The following SAMMSON variants were observed in gnomAD, a reference collection of about 807,000 sequenced individuals.
SAMMSON encodes the protein survival associated mitochondrial melanoma specific oncogenic non-coding RNA, also known as long intergenic non-protein coding RNA 1212.
At chr3:70,028,993 G>A (rs571476454) in intron 3 of SAMMSON, among the ~76,000 whole-genome samples, 107 of 152,224 alleles carry the variant, frequency 7.0e-4, no homozygotes, top group African/African-American at 2.4e-3. Context: ...CACTTGTTCC[G>A]GGTGACTAGG....
chr3:70,081,089 T>G (rs2106641093), intron 4 of SAMMSON, among the ~76,000 whole-genome samples: 1 of 152,296 alleles, frequency 6.6e-6, no homozygotes, highest in East Asian at 1.9e-4. Flanking sequence ...TCTAATTTCT[T>G]CATAGCTTTC....
chr3:70,003,237 CTTTTAAACAGTGTATAGTGGTTTG>C (rs1359921094), intron 1 of SAMMSON, among the ~76,000 whole-genome samples: 1 of 151,846 alleles, frequency 6.6e-6, no homozygotes, highest in East Asian at 1.9e-4. Flanking sequence ...TACTTAATGC[CTTTTAAACAGTGTATAGTGGTTTG>C]TTTTGTTTTG....
intron 3 of SAMMSON, among the ~76,000 whole-genome samples, chr3:70,028,351 A>G (rs1576101780): frequency 6.6e-6 from 1 of 151,978 alleles, no homozygotes. Flanking sequence ...TGCTTCTTTG[A>G]ATATGTTGTG....
chr3:70,348,892 G>C (rs1702771801), intron 7 of SAMMSON, among the ~76,000 whole-genome samples: 2 of 152,112 alleles, frequency 1.3e-5, no homozygotes, highest in Admixed American at 6.5e-5. Context: ...CTTACGGTCT[G>C]AGCTATATGA....
At chr3:70,051,054 G>A (rs1321278751) in intron 3 of SAMMSON, among the ~76,000 whole-genome samples, 1 of 131,996 alleles carries the variant, frequency 7.6e-6, no homozygotes, top group Non-Finnish European at 1.5e-5. Context: ...GAGATTGCTT[G>A]AACCCAGGAG....
At chr3:70,370,852 G>A (rs2106745739) in intron 9 of SAMMSON, among the ~76,000 whole-genome samples, 1 of 151,906 alleles carries the variant, frequency 6.6e-6, no homozygotes, top group African/African-American at 2.4e-5. Context: ...TGTTTCTCTT[G>A]CCTATGATTT....
chr3:70,079,997 C>T (rs9814696), intron 4 of SAMMSON, among the ~76,000 whole-genome samples: 10 of 152,318 alleles, frequency 6.6e-5, no homozygotes, highest in Admixed American at 4.6e-4. Context: ...TTTATGCTCC[C>T]GAATGCCTCT....
chr3:70,055,288 A>T (rs1344579580), intron 3 of SAMMSON, among the ~76,000 whole-genome samples: 1 of 152,168 alleles, frequency 6.6e-6, no homozygotes, highest in East Asian at 1.9e-4. Context: ...AAAGAATTTT[A>T]AAAAACCATG....
At chr3:70,110,861 G>A (rs556126359) in intron 4 of SAMMSON, among the ~76,000 whole-genome samples, 1 of 152,154 alleles carries the variant, frequency 6.6e-6, no homozygotes, top group African/African-American at 2.4e-5. Flanking sequence ...CAGTCCTTAG[G>A]ATGATCTTAA....
chr3:70,176,529 C>T (rs1033551318), intron 4 of SAMMSON, among the ~76,000 whole-genome samples: 2 of 152,084 alleles, frequency 1.3e-5, no homozygotes, highest in Non-Finnish European at 2.9e-5. Flanking sequence ...TCCAATGCCC[C>T]TCAAAATGAT....
intron 3 of SAMMSON, among the ~76,000 whole-genome samples, chr3:70,070,532 G>A (rs1368597212): frequency 6.6e-6 from 1 of 151,524 alleles, no homozygotes; most frequent in African/African-American, 2.4e-5. Context: ...AATAATTTAT[G>A]TTTTAATGGA....
At chr3:70,011,080 T>C (rs746258534) in intron 1 of SAMMSON, among the ~76,000 whole-genome samples, 4 of 152,152 alleles carry the variant, frequency 2.6e-5, no homozygotes, top group Admixed American at 2.0e-4. Flanking sequence ...TTTTATACTT[T>C]GGGGTATTAC....
chr3:70,058,357 A>G (rs1028954535), intron 3 of SAMMSON, among the ~76,000 whole-genome samples: 20 of 151,982 alleles, frequency 1.3e-4, no homozygotes, highest in Non-Finnish European at 1.6e-4. Context: ...CTTAGTTTGG[A>G]TGCGGTAAAA....
At chr3:70,084,121 T>A (rs2106642753) in intron 4 of SAMMSON, among the ~76,000 whole-genome samples, 1 of 152,296 alleles carries the variant, frequency 6.6e-6, no homozygotes, top group African/African-American at 2.4e-5. Flanking sequence ...CACTTTCACA[T>A]CAGGATGCCC....
chr3:70,040,221 A>C (rs915592594), intron 3 of SAMMSON, among the ~76,000 whole-genome samples: 4 of 152,168 alleles, frequency 2.6e-5, no homozygotes, highest in Non-Finnish European at 5.9e-5. Context: ...GATATCATAC[A>C]CAGAAAGCAG....
intron 4 of SAMMSON, among the ~76,000 whole-genome samples, chr3:70,138,312 A>G (rs1356858986): frequency 1.3e-5 from 2 of 152,208 alleles, no homozygotes; most frequent in African/African-American, 4.8e-5. Flanking sequence ...ATAATGTATA[A>G]ACAACAGAAA....
Position 70,035,982 on chromosome 3 carries a change from C to G in SAMMSON, n.417+22310C>G, listed in dbSNP as rs368298974. On this transcript the variant is annotated intron_variant and non_coding_transcript_variant, in intron 3 of 9. Transcript: ENST00000642114. ...GGAAAACAATATATCAAAAATAGTACCTGAAGAAAGTTAAAATAACATGTA... is the reference window on the plus strand; with the variant it reads ...GGAAAACAATATATCAAAAATAGTAGCTGAAGAAAGTTAAAATAACATGTA... Among the ~76,000 whole-genome samples, 49 of 151,932 alleles carry G rather than the reference C, an allele frequency of 3.2e-4. 1 individual carries two copies. The highest frequency in any genetic ancestry group is 1.1e-3 in the African/African-American group (46 of 41,448).
intron 4 of SAMMSON, among the ~76,000 whole-genome samples, chr3:70,201,689 GC>G (rs1232173908): frequency 6.6e-6 from 1 of 152,154 alleles, no homozygotes; most frequent in Non-Finnish European, 1.5e-5. Context: ...AATCCAACCT[GC>G]CTTCCATAAT....
downstream of SAMMSON, among the ~76,000 whole-genome samples, chr3:70,393,920 G>A (rs1304707118): frequency 1.3e-5 from 2 of 152,130 alleles, no homozygotes; most frequent in African/African-American, 2.4e-5. Context: ...GGCATGATTC[G>A]ATTTTTAAAA....
Sources: gnomAD v4.1 joint callset for allele counts (sites outside exome capture counted in the v4.1 genomes callset) on GRCh38, gnomAD v4.1.1 for gene constraint, MANE v1.5 for transcripts, NCBI Gene and HGNC (gene_info 2026-07-23, HGNC 2026-07-21) for gene names.